Variants in NSMCE2 observed in about 807,000 individuals in gnomAD.
The protein encoded by NSMCE2 is NSE2 SUMO ligase component of SMC5/6 complex.
A neutral mutation model predicts 23.8 loss-of-function variants in NSMCE2; 24 were observed. The ratio of observed to expected loss-of-function variants is 1.01; its 90% confidence interval spans 0.73 to 1.42. The LOEUF is 1.42. Among genes scored for constraint, NSMCE2 ranks in the 40% most tolerant of loss-of-function variants. The pLI, the probability that NSMCE2 is intolerant of heterozygous loss-of-function variation, is 0.00. For synonymous variants in NSMCE2, 92 were observed against 94.1 expected, an observed-to-expected ratio of 0.98 and a Z score of 0.13; for missense variants, 284 against 296.5, an observed-to-expected ratio of 0.96 and a Z score of 0.31.
chr8:125,150,393 GTTTTCTT>G (rs1250941384), intron 3 of NSMCE2, among the ~76,000 whole-genome samples: 2 of 127,014 alleles, frequency 1.6e-5, no homozygotes, highest in East Asian at 4.6e-4. Flanking sequence ...GATATCTTTG[GTTTTCTT>G]TTTTCTTTTT....
chr8:125,143,760 G>C (rs1820509129), intron 3 of NSMCE2, among the ~76,000 whole-genome samples: 1 of 152,204 alleles, frequency 6.6e-6, no homozygotes, highest in African/African-American at 2.4e-5. Flanking sequence ...TTGAATCAGA[G>C]ACATAAAGTT....
intron 5 of NSMCE2, among the ~76,000 whole-genome samples, chr8:125,271,077 TAGTG>T (rs1361037995): frequency 6.6e-6 from 1 of 151,678 alleles, no homozygotes; most frequent in Admixed American, 6.6e-5. Flanking sequence ...CTGAACAACA[TAGTG>T]AGACCCCGTT....
At chr8:125,349,693 C>A (rs1402034980) in intron 5 of NSMCE2, among the ~76,000 whole-genome samples, 10 of 152,052 alleles carry the variant, frequency 6.6e-5, no homozygotes, top group African/African-American at 2.4e-4. Flanking sequence ...TAACTGGTAG[C>A]CAAATTTGGG....
intron 4 of NSMCE2, among the ~76,000 whole-genome samples, chr8:125,169,709 A>G (rs1822077993): frequency 5.3e-5 from 8 of 149,726 alleles, no homozygotes; most frequent in Admixed American, 5.3e-4. Flanking sequence ...AGCCCACGAG[A>G]TCTTTCTAAA....
At chr8:125,343,164 A>G (rs1252045450) in intron 5 of NSMCE2, among the ~76,000 whole-genome samples, 1 of 152,188 alleles carries the variant, frequency 6.6e-6, no homozygotes, top group Non-Finnish European at 1.5e-5. Flanking sequence ...GACATATTTG[A>G]TTAGATTCGG....
intron 5 of NSMCE2, among the ~76,000 whole-genome samples, chr8:125,223,491 T>A (rs888588484): frequency 6.6e-6 from 1 of 152,226 alleles, no homozygotes; most frequent in Non-Finnish European, 1.5e-5. Context: ...TTCATTTGTA[T>A]GTATACCCAG....
intron 5 of NSMCE2, among the ~76,000 whole-genome samples, chr8:125,315,206 A>T (rs1563779143): frequency 6.6e-6 from 1 of 152,064 alleles, no homozygotes; most frequent in Non-Finnish European, 1.5e-5. Flanking sequence ...AGAAGTAGAT[A>T]GGTAAGGAAT....
intron 5 of NSMCE2, among the ~76,000 whole-genome samples, chr8:125,230,703 G>T (rs923970007): frequency 1.3e-5 from 2 of 152,042 alleles, no homozygotes; most frequent in African/African-American, 2.4e-5. Flanking sequence ...TGGATAAAAG[G>T]TACAAAGAAA....
chr8:125,095,216 G>A (rs527508079), intron 1 of NSMCE2, among the ~76,000 whole-genome samples: 1 of 152,236 alleles, frequency 6.6e-6, no homozygotes, highest in East Asian at 1.9e-4. Context: ...ATTATAGAAC[G>A]TTTTCATCAC....
rs111310247 is a variant in NSMCE2, at chr8:125,129,179, C to G, written c.158-21992C>G. ...TTGTTTCTTAGGTGGGGAGGGAATA[C>G]GTGAAATGACAAGAAGGCCCGGGCC... On this transcript the variant is annotated intron_variant, in intron 3 of 7. Transcript: ENST00000287437. 6.6e-3 allele frequency among the ~76,000 whole-genome samples: 999 copies of G among 152,024 alleles called. 20 individuals carry two copies. Among genetic ancestry groups the G allele is most frequent in the African/African-American group, 0.023 (953 of 41,452 alleles).
intron 5 of NSMCE2, among the ~76,000 whole-genome samples, chr8:125,349,082 C>T (rs1479935788): frequency 6.8e-6 from 1 of 147,360 alleles, no homozygotes; most frequent in Non-Finnish European, 1.5e-5. Context: ...AATTCCAAAC[C>T]AAAAGAACTG....
intron 5 of NSMCE2, among the ~76,000 whole-genome samples, chr8:125,311,096 G>C (rs1828957463): frequency 6.6e-6 from 1 of 152,190 alleles, no homozygotes; most frequent in Non-Finnish European, 1.5e-5. Context: ...CTGTGTTTGT[G>C]TAACCTGGGG....
rs1227543155 is a variant in NSMCE2, at chr8:125,120,891, C to T, written c.157+18404C>T. Among the ~76,000 whole-genome samples, 4 of 152,144 alleles carry T rather than the reference C, an allele frequency of 2.6e-5. No individual in the cohort carries two copies. In the East Asian group the frequency reaches 7.7e-4, roughly 29 times the overall value. Reference sequence around the variant, plus strand: ...GCCTTGTAGAATCAGACATGTATGCCTTGACTAAAGTTGAGAGGAAGCTTT... The same window carrying T: ...GCCTTGTAGAATCAGACATGTATGCTTTGACTAAAGTTGAGAGGAAGCTTT... On this transcript the variant is annotated intron_variant, in intron 3 of 7. Coordinates refer to ENST00000287437, the MANE Select transcript of NSMCE2 (RefSeq NM_173685.4).
intron 1 of NSMCE2, among the ~76,000 whole-genome samples, chr8:125,101,343 G>A (rs1424181327): frequency 6.6e-6 from 1 of 152,212 alleles, no homozygotes; most frequent in Non-Finnish European, 1.5e-5. Context: ...CACTTAGGAA[G>A]GGCAGAAGGG....
intron 5 of NSMCE2, among the ~76,000 whole-genome samples, chr8:125,262,704 T>TC (rs1826747413): frequency 6.6e-6 from 1 of 152,126 alleles, no homozygotes; most frequent in South Asian, 2.1e-4. Context: ...AGTTTTTTTT[T>TC]CTAAAAACTC....
chr8:125,130,097 G>A (rs528926683), intron 3 of NSMCE2: 170 of 332,210 alleles, frequency 5.1e-4, no homozygotes, highest in African/African-American at 3.3e-3. Flanking sequence ...AGTTGGTTTC[G>A]CTTTTTTTTT....
chr8:125,299,804 CTTTTTTTT>C (rs58789139), intron 5 of NSMCE2, among the ~76,000 whole-genome samples: 17 of 70,264 alleles, frequency 2.4e-4, no homozygotes, highest in Middle Eastern at 0.014. Context: ...TTTTGGCTTT[CTTTTTTTT>C]TTTTTTTTTT....
intron 5 of NSMCE2, among the ~76,000 whole-genome samples, chr8:125,347,007 G>T (rs1262107920): frequency 6.6e-6 from 1 of 152,194 alleles, no homozygotes; most frequent in Non-Finnish European, 1.5e-5. Context: ...TGTGTCGAAA[G>T]AGCCATGGAA....
intron 5 of NSMCE2, among the ~76,000 whole-genome samples, chr8:125,332,647 T>G (rs746583295): frequency 6.6e-6 from 1 of 152,234 alleles, no homozygotes; most frequent in Non-Finnish European, 1.5e-5. Flanking sequence ...CCAGATATAT[T>G]ACAAGTTTTC....
Sources: gnomAD v4.1 joint callset for allele counts (sites outside exome capture counted in the v4.1 genomes callset) on GRCh38, gnomAD v4.1.1 for gene constraint, MANE v1.5 for transcripts, NCBI Gene and HGNC (gene_info 2026-07-23, HGNC 2026-07-21) for gene names.